TRPM3: variants seen among roughly 807,000 people sequenced by gnomAD.
The protein encoded by TRPM3 is transient receptor potential cation channel subfamily M member 3, also known as long transient receptor potential channel 3.
Under a neutral mutation model 181.2 loss-of-function variants are expected in TRPM3, and 77 were observed. That is an observed-to-expected ratio of 0.42 (90% confidence interval 0.35 to 0.51). The LOEUF (loss-of-function observed/expected upper bound fraction) is 0.51, where lower values mean the gene tolerates loss of function less well. Ranked by LOEUF, TRPM3 falls within the 20% of genes least tolerant of loss-of-function variation. The probability of loss-of-function intolerance (pLI) is 0.01; values close to 1 mark genes in which losing one functional copy is unlikely to be tolerated. For synonymous variants in TRPM3, 745 were observed against 796.4 expected (o/e 0.94, Z 1.09); for missense variants, 1,759 against 2,196.7 (o/e 0.80, Z 3.98).
intron 12 of TRPM3, among the ~76,000 whole-genome samples, chr9:70,634,998 C>T (rs141626401): frequency 6.6e-6 from 1 of 152,142 alleles, no homozygotes; most frequent in East Asian, 1.9e-4. Context: ...TCTAAAAGCA[C>T]GGCGATTGGA....
intron 1 of TRPM3, among the ~76,000 whole-genome samples, chr9:71,249,046 G>C (rs760920620): frequency 1.6e-4 from 25 of 152,182 alleles, no homozygotes; most frequent in Non-Finnish European, 3.1e-4. Flanking sequence ...TATACTTCCT[G>C]ACTTAAAAAT....
At chr9:71,095,153 C>T (rs1415657994) in intron 1 of TRPM3, among the ~76,000 whole-genome samples, 1 of 152,132 alleles carries the variant, frequency 6.6e-6, no homozygotes, top group Non-Finnish European at 1.5e-5. Context: ...TTACTATTTC[C>T]CTTTTTGTTT....
At chr9:71,226,761 A>G (rs2131880523) in intron 1 of TRPM3, among the ~76,000 whole-genome samples, 1 of 152,238 alleles carries the variant, frequency 6.6e-6, no homozygotes, top group South Asian at 2.1e-4. Context: ...AGCTAGATAG[A>G]GAGATAGACT....
intron 1 of TRPM3, among the ~76,000 whole-genome samples, chr9:71,021,627 T>C (rs1181730292): frequency 6.6e-6 from 1 of 152,188 alleles, no homozygotes; most frequent in African/African-American, 2.4e-5. Context: ...ACAATTATCA[T>C]TACAAAACAA....
intron 1 of TRPM3, among the ~76,000 whole-genome samples, chr9:71,308,821 G>T (rs2087634349): frequency 6.9e-6 from 1 of 144,646 alleles, no homozygotes; most frequent in African/African-American, 2.4e-5. Flanking sequence ...ATGAGATTAT[G>T]ACAACAATTC....
intron 17 of TRPM3, among the ~76,000 whole-genome samples, chr9:70,618,276 T>C (rs1275161656): frequency 6.6e-6 from 1 of 152,236 alleles, no homozygotes; most frequent in Admixed American, 6.5e-5. Context: ...TTTTATAGGA[T>C]AATTTATACA....
intron 9 of TRPM3, among the ~76,000 whole-genome samples, chr9:70,649,861 G>A (rs1394203585): frequency 6.6e-6 from 1 of 152,156 alleles, no homozygotes; most frequent in African/African-American, 2.4e-5. Flanking sequence ...ACATGCACAT[G>A]AATTTTTATC....
chr9:71,393,036 G>C (rs574760525), intron 1 of TRPM3, among the ~76,000 whole-genome samples: 18 of 152,230 alleles, frequency 1.2e-4, no homozygotes, highest in African/African-American at 4.3e-4. Context: ...GAAACGATTT[G>C]TTTTCTAGGA....
intron 1 of TRPM3, among the ~76,000 whole-genome samples, chr9:71,370,858 A>G (rs938390328): frequency 1.3e-5 from 2 of 152,204 alleles, no homozygotes; most frequent in Non-Finnish European, 2.9e-5. Flanking sequence ...AGACTGGCTG[A>G]CTCTTGTTAG....
chr9:70,998,953 G>A (rs1020383054), intron 1 of TRPM3, among the ~76,000 whole-genome samples: 2 of 152,048 alleles, frequency 1.3e-5, no homozygotes, highest in African/African-American at 4.8e-5. Flanking sequence ...CTCTATACAA[G>A]GCACTGTGAT....
upstream of TRPM3, among the ~76,000 whole-genome samples, chr9:71,123,186 T>G (rs1488781467): frequency 6.6e-6 from 1 of 152,216 alleles, no homozygotes; most frequent in Non-Finnish European, 1.5e-5. Context: ...ACTTCAGGAA[T>G]AAAACCACTG....
intron 1 of TRPM3, among the ~76,000 whole-genome samples, chr9:71,116,960 T>G (rs1167691591): frequency 6.6e-6 from 1 of 152,182 alleles, no homozygotes; most frequent in Non-Finnish European, 1.5e-5. Context: ...AGACAATAAC[T>G]GAAATACCCT....
At chr9:70,628,792 C>T (rs111921893) in intron 12 of TRPM3, among the ~76,000 whole-genome samples, 4 of 127,514 alleles carry the variant, frequency 3.1e-5, no homozygotes, top group Middle Eastern at 5.8e-3. Context: ...GCATTACCAT[C>T]TGGGCGACAG....
intron 1 of TRPM3, among the ~76,000 whole-genome samples, chr9:71,100,980 G>A (rs950938312): frequency 6.6e-6 from 1 of 152,070 alleles, no homozygotes; most frequent in African/African-American, 2.4e-5. Flanking sequence ...AATCATGGTA[G>A]CATTTTTAAT....
At chr9:70,970,201 T>C (rs1420343667) in intron 1 of TRPM3, among the ~76,000 whole-genome samples, 1 of 152,180 alleles carries the variant, frequency 6.6e-6, no homozygotes, top group African/African-American at 2.4e-5. Context: ...AGAGTTAATG[T>C]ATGTAAAATA....
chr9:70,899,148 AAT>A (rs1027861865), intron 1 of TRPM3, among the ~76,000 whole-genome samples: 1 of 152,224 alleles, frequency 6.6e-6, no homozygotes, highest in African/African-American at 2.4e-5. Flanking sequence ...ATGGAAAACC[AAT>A]AGGGTAAACC....
At chr9:71,168,650 T>A (rs1320120961) in intron 1 of TRPM3, among the ~76,000 whole-genome samples, 53 of 148,230 alleles carry the variant, frequency 3.6e-4, no homozygotes, top group African/African-American at 1.2e-3. Context: ...TATTTTTTTT[T>A]TTATTATTAC....
chr9:71,336,920 A>ACC (rs1381795370), intron 1 of TRPM3, among the ~76,000 whole-genome samples: 1 of 152,154 alleles, frequency 6.6e-6, no homozygotes, highest in African/African-American at 2.4e-5. Context: ...CTGGAACTGG[A>ACC]CCCCTTCCTT....
intron 1 of TRPM3, among the ~76,000 whole-genome samples, chr9:71,065,272 G>A (rs1044315344): frequency 6.6e-6 from 1 of 152,082 alleles, no homozygotes; most frequent in Non-Finnish European, 1.5e-5. Flanking sequence ...GAATTTTCAC[G>A]CTAAGTTATT....
Sources: gnomAD v4.1 joint callset for allele counts (sites outside exome capture counted in the v4.1 genomes callset) on GRCh38, gnomAD v4.1.1 for gene constraint, MANE v1.5 for transcripts, NCBI Gene and HGNC (gene_info 2026-07-23, HGNC 2026-07-21) for gene names.